TEX10: variants seen among roughly 807,000 people sequenced by gnomAD.
TEX10 encodes the protein testis-expressed protein 10.
TEX10 carries 24 observed loss-of-function variants against 104.4 expected under a neutral mutation model. The ratio of observed to expected loss-of-function variants is 0.23; its 90% CI spans 0.17 to 0.32. The LOEUF (loss-of-function observed/expected upper bound fraction) is 0.32. Ranked by LOEUF, TEX10 falls within the 10% of genes least tolerant of loss-of-function variation. TEX10 has a pLI of 1.00. For synonymous variants in TEX10, 396 were observed against 393.4 expected (o/e 1.01, Z -0.08); for missense variants, 921 against 1,083.9 (o/e 0.85, Z 2.11).
chr9:100,313,194 T>C (rs1834321476), intron 11 of TEX10, among the ~76,000 whole-genome samples: 1 of 152,158 alleles, frequency 6.6e-6, no homozygotes, highest in South Asian at 2.1e-4. Context: ...TAATTTTGCA[T>C]TCTCACTGGA....
intron 1 of TEX10, among the ~76,000 whole-genome samples, chr9:100,350,358 A>C (rs1273116206): frequency 6.6e-6 from 1 of 152,184 alleles, no homozygotes; most frequent in Non-Finnish European, 1.5e-5. Context: ...AGATCTCATG[A>C]CCAAGACTCA....
At chr9:100,307,280 T>C (rs939567921) in intron 13 of TEX10, 1 of 152,220 alleles carries the variant, frequency 6.6e-6, no homozygotes, top group African/African-American at 2.4e-5. Flanking sequence ...TATTTGTAAA[T>C]AGTTTTACTG....
At chr9:100,321,530 G>A (rs886074144) in intron 10 of TEX10, among the ~76,000 whole-genome samples, 153 bp downstream of exon 10, 7 of 152,004 alleles carry the variant, frequency 4.6e-5, no homozygotes, top group Non-Finnish European at 1.0e-4. Flanking sequence ...ATATTCTTTC[G>A]ATTTCCAGTT....
chr9:100,347,501 C>T (rs1835329231), intron 2 of TEX10, 95 bp from the exon 3 acceptor site: 2 of 923,802 alleles, frequency 2.2e-6, no homozygotes, highest in African/African-American at 3.4e-5. Context: ...TAAACTGACA[C>T]TCCTTGGGGA....
At chr9:100,347,470 T>C in intron 2 of TEX10, 64 bp from the exon 3 acceptor site, 3 of 1,315,836 alleles carry the variant, frequency 2.3e-6, no homozygotes, top group East Asian at 2.4e-5. Flanking sequence ...CACGTAAACA[T>C]GCTAACTAAC....
Position 100,310,332 on chromosome 9 carries a change from A to G in TEX10, c.2250T>C (p.Phe750=). The change falls in exon 12 of 15, where the codon TTT becomes TTC. Residue 750 remains phenylalanine (F), a synonymous_variant. Coordinates refer to ENST00000374902, the MANE Select transcript of TEX10 (RefSeq NM_017746.4). ...LLVIPARSQN[F]DILQSAISKH... ...TACTGATGGCACTTTGCAAGATGTC[A>G]AAGTTCTGACTTCGGGCAGGAATAA... 1 of 1,614,184 alleles carries G rather than the reference A, an allele frequency of 6.2e-7. No individual in the cohort carries two copies. Among genetic ancestry groups the G allele is most frequent in the Non-Finnish European group, 8.5e-7 (1 of 1,180,028 alleles).
At chr9:100,352,531 G>GAAACCAGGC (rs1301645137) in intron 1 of TEX10, 1 of 1,548,962 alleles carries the variant, frequency 6.5e-7, no homozygotes, top group East Asian at 2.4e-5. Flanking sequence ...TCTCGGACCC[G>GAAACCAGGC]AAACCAGGCG....
intron 13 of TEX10, chr9:100,305,624 A>C (rs538109330): frequency 1.3e-5 from 2 of 152,348 alleles, no homozygotes; most frequent in South Asian, 4.1e-4. Flanking sequence ...TTAAAAAAAA[A>C]AGACAGCCAA....
chr9:100,334,837 G>A (rs896393019), intron 5 of TEX10, among the ~76,000 whole-genome samples: 1 of 151,978 alleles, frequency 6.6e-6, no homozygotes, highest in Non-Finnish European at 1.5e-5. Context: ...GCTGATTTTT[G>A]TATTTTTAGT....
chr9:100,304,415 T>A (rs1834092599), intron 13 of TEX10: 1 of 154,076 alleles, frequency 6.5e-6, no homozygotes, highest in South Asian at 2.0e-4. Flanking sequence ...AACCCAGAAA[T>A]AAAGCCACAT....
chr9:100,352,737 G>T lies in TEX10; in HGVS notation c.-10+35C>A, dbSNP rs577364476. On this transcript the variant is annotated intron_variant, in intron 1 of 14. Coordinates refer to ENST00000374902, the MANE Select transcript of TEX10 (RefSeq NM_017746.4). The stretch of plus-strand genomic sequence containing the variant: ...CCCACCACGCTCAGTCCCGCGCCCC[G>T]GGAGGACCCGGCCCGACGGGCGACG... 12 of 1,189,288 alleles carry T rather than the reference G, an allele frequency of 1.0e-5. No individual in the cohort carries two copies. In the African/African-American group the frequency reaches 1.8e-4, roughly 18 times the overall value. 73.7% of individuals were successfully genotyped at this position (1,189,288 alleles called of 1,614,324 possible). A position where few individuals can be genotyped will look rare whatever the true frequency, so the allele number is the denominator to read the frequency against.
intron 11 of TEX10, among the ~76,000 whole-genome samples, chr9:100,314,126 C>T (rs1834352918): frequency 6.9e-6 from 1 of 144,190 alleles, no homozygotes; most frequent in Non-Finnish European, 1.5e-5. Flanking sequence ...CTCGCTCTGT[C>T]ACCCACGCTG....
chr9:100,348,833 C>A (rs751837050), intron 2 of TEX10, among the ~76,000 whole-genome samples: 3 of 152,112 alleles, frequency 2.0e-5, no homozygotes, highest in Non-Finnish European at 4.4e-5. Context: ...ATCACTTGAG[C>A]CCAGAAGGTC....
intron 10 of TEX10, 150 bp from the exon 11 acceptor site, chr9:100,320,548 T>A: frequency 2.3e-6 from 2 of 860,632 alleles, no homozygotes; most frequent in Non-Finnish European, 3.4e-6. Flanking sequence ...TGCTATATTT[T>A]AAAAAATAAA....
At chr9:100,342,730 CATTA>C (rs1459549227) in intron 4 of TEX10, among the ~76,000 whole-genome samples, 2 of 152,280 alleles carry the variant, frequency 1.3e-5, no homozygotes, top group East Asian at 3.9e-4. Context: ...GCAAGTCAAG[CATTA>C]AATGCAAAGC....
chr9:100,320,577 G>A (rs544324169), intron 10 of TEX10, among the ~76,000 whole-genome samples, 179 bp from the exon 11 acceptor site: 1 of 152,292 alleles, frequency 6.6e-6, no homozygotes, highest in Admixed American at 6.5e-5. Flanking sequence ...AATGAAGACA[G>A]TTAAATTCAT....
chr9:100,349,620 T>C (rs1465648693), intron 1 of TEX10, among the ~76,000 whole-genome samples: 1 of 151,944 alleles, frequency 6.6e-6, no homozygotes, highest in Non-Finnish European at 1.5e-5. Context: ...ACAGAACCTT[T>C]TGTCAAGCTA....
chr9:100,310,468 T>A, intron 11 of TEX10, 89 bp from the exon 12 acceptor site: 4 of 1,221,170 alleles, frequency 3.3e-6, no homozygotes, highest in Non-Finnish European at 4.7e-6. Flanking sequence ...AGACAGAGTT[T>A]CACTCTGTCG....
rs1394075203 is a variant in TEX10, at chr9:100,346,286, T to C, written c.923A>G (p.Asp308Gly). Residue 308 changes from aspartate (D) to glycine (G), a missense_variant, in exon 4 of 15, where the codon GAT becomes GGT. Around this residue, in one of 3 missense-constraint regions of TEX10, gnomAD observed 753 missense variants for 868.4 expected, o/e 0.87. Transcript: ENST00000374902. ...GTTTTCAGTAGATGACAGGCCTTCATCCACACCACTCAGTCCTCCAACCAG... is the reference window on the plus strand; with the variant it reads ...GTTTTCAGTAGATGACAGGCCTTCACCCACACCACTCAGTCCTCCAACCAG... ...RYLVGGLSGV[D>G]EGLSSTENLK... 1 of 1,613,970 alleles carries C rather than the reference T, an allele frequency of 6.2e-7. No individual in the cohort carries two copies. Among genetic ancestry groups the C allele is most frequent in the East Asian group, 2.2e-5 (1 of 44,852 alleles).
Sources: allele counts gnomAD v4.1 joint callset (sites outside exome capture counted in the v4.1 genomes callset), GRCh38; gene constraint gnomAD v4.1.1; regional missense constraint gnomAD v4.1.1; transcripts MANE v1.5; gene names NCBI Gene and HGNC (gene_info 2026-07-23, HGNC 2026-07-21).